ELMO1: variants seen among roughly 807,000 people sequenced by gnomAD.
ELMO1 encodes the protein engulfment and cell motility 1, also known as engulfment and cell motility protein 1.
A neutral mutation model predicts 98.9 loss-of-function variants in ELMO1; 26 were observed. The ratio of observed to expected loss-of-function variants is 0.26; its 90% CI spans 0.19 to 0.36. The LOEUF (loss-of-function observed/expected upper bound fraction) is 0.36. ELMO1 is among the 10% of genes least tolerant of loss of function. The probability of loss-of-function intolerance (pLI) is 1.00; values close to 1 mark genes in which losing one functional copy is unlikely to be tolerated. For synonymous variants in ELMO1, 346 were observed against 346.0 expected, an observed-to-expected ratio of 1.00 and a Z score of 0.00; for missense variants, 627 against 935.2, an observed-to-expected ratio of 0.67 and a Z score of 4.30.
At chr7:36,868,255 C>T (rs1416591447) in intron 20 of ELMO1, among the ~76,000 whole-genome samples, 17 of 152,022 alleles carry the variant, frequency 1.1e-4, no homozygotes, top group Admixed American at 7.9e-4. Flanking sequence ...CCACATTCCA[C>T]GGTGATGGTT....
intron 13 of ELMO1, among the ~76,000 whole-genome samples, chr7:37,156,683 C>T (rs543731382): frequency 6.6e-6 from 1 of 152,188 alleles, no homozygotes; most frequent in East Asian, 1.9e-4. Context: ...TAATAGCCTA[C>T]CAACCAAAAA....
At position 36,855,792 on chromosome 7, in the gene ELMO1, A is replaced by T. The variant is rs149292247; in HGVS notation, c.1984-41T>A. On this transcript the variant is annotated intron_variant, in intron 21 of 21. Coordinates refer to ENST00000310758, the MANE Select transcript of ELMO1 (RefSeq NM_014800.11). This position sits in a 1 kb window ranked among gnomAD's most constrained non-coding sequence, Gnocchi z 4.2. The stretch of plus-strand genomic sequence containing the variant: ...GCAACAGCGATCATTACTGGTGGCA[A>T]TTACAGAAGTATTAATAGTAAAAAT... The T allele has an allele frequency of 6.2e-7, 1 of 1,609,356 alleles. No homozygotes were observed. Among genetic ancestry groups the T allele is most frequent in the African/African-American group, 1.3e-5 (1 of 74,932 alleles).
chr7:37,328,893 C>T (rs1456717837), intron 2 of ELMO1, among the ~76,000 whole-genome samples: 3 of 152,194 alleles, frequency 2.0e-5, no homozygotes, highest in African/African-American at 7.2e-5. Flanking sequence ...ACTCTCTTTC[C>T]CAGTTTTCAA....
chr7:36,976,451 AATTATT>A (rs1562871783), intron 16 of ELMO1, among the ~76,000 whole-genome samples: 1 of 152,250 alleles, frequency 6.6e-6, no homozygotes, highest in Non-Finnish European at 1.5e-5. Context: ...TTAACAGCAT[AATTATT>A]ATTAGTATAA....
chr7:37,283,174 CCTGT>C (rs1359128049), intron 4 of ELMO1, among the ~76,000 whole-genome samples: 4 of 152,128 alleles, frequency 2.6e-5, no homozygotes, highest in African/African-American at 9.7e-5. Flanking sequence ...ACAGAAGGAG[CCTGT>C]CTGTCTCCTT....
At chr7:37,316,330 A>G (rs931858997) in intron 2 of ELMO1, among the ~76,000 whole-genome samples, 3 of 152,234 alleles carry the variant, frequency 2.0e-5, no homozygotes, top group African/African-American at 7.2e-5. Flanking sequence ...GGAGTAGTAC[A>G]TGAATCAGGC....
intron 16 of ELMO1, among the ~76,000 whole-genome samples, chr7:36,951,162 TC>T (rs1787933167): frequency 6.6e-6 from 1 of 152,166 alleles, no homozygotes; most frequent in Non-Finnish European, 1.5e-5. Context: ...GTCTCCCACT[TC>T]CATTCTTAAG....
At chr7:36,864,216 G>A (rs991828256) in intron 20 of ELMO1, among the ~76,000 whole-genome samples, 1 of 152,228 alleles carries the variant, frequency 6.6e-6, no homozygotes, top group Non-Finnish European at 1.5e-5. Flanking sequence ...AGTCACTTGA[G>A]ACCACAGTGT....
intron 13 of ELMO1, among the ~76,000 whole-genome samples, chr7:37,155,476 C>T (rs183175317): frequency 0.016 from 149 of 9,068 alleles, 1 homozygote; most frequent in African/African-American, 0.035. Context: ...GAGGAAGAAG[C>T]AAACGGAAAG....
chr7:37,172,802 T>C (rs994903355), intron 13 of ELMO1, among the ~76,000 whole-genome samples: 1 of 152,170 alleles, frequency 6.6e-6, no homozygotes, highest in Non-Finnish European at 1.5e-5. Context: ...AAAAAAAAAT[T>C]TGTTCCATGT....
chr7:36,985,971 C>T lies in ELMO1; in HGVS notation c.1437+27328G>A, dbSNP rs143779925. On this transcript the variant is annotated intron_variant, in intron 16 of 21. Transcript: ENST00000310758. ...CCCAACCACAAATACTGATTCTAAG[C>T]TGCTGCCACCACAAAGCGACTTAGA... The T allele has an allele frequency of 4.6e-3, 4,608 of 1,002,922 alleles. 12 individuals are homozygous for T. The highest frequency in any genetic ancestry group is 5.9e-3 in the Middle Eastern group (21 of 3,554). 62.1% of individuals were successfully genotyped at this position (1,002,922 alleles called of 1,614,324 possible). A position where few individuals can be genotyped will look rare whatever the true frequency, so the allele number is the denominator to read the frequency against.
chr7:37,192,209 A>T (rs1791626614), intron 13 of ELMO1, among the ~76,000 whole-genome samples: 1 of 151,956 alleles, frequency 6.6e-6, no homozygotes, highest in Admixed American at 6.6e-5. Flanking sequence ...AGTGGGCCAG[A>T]GCCAGGGCCA....
chr7:37,410,497 G>C (rs901678865), intron 1 of ELMO1, among the ~76,000 whole-genome samples: 1 of 152,166 alleles, frequency 6.6e-6, no homozygotes, highest in African/African-American at 2.4e-5. Flanking sequence ...CAGAGGGCCA[G>C]ATGCCTCAGT....
chr7:37,148,551 A>G (rs1788149348), intron 13 of ELMO1, among the ~76,000 whole-genome samples: 1 of 152,262 alleles, frequency 6.6e-6, no homozygotes, highest in Middle Eastern at 3.2e-3. Flanking sequence ...TGTTGATTCA[A>G]CAGTCAATAC....
At chr7:36,971,353 T>G (rs908757515) in intron 16 of ELMO1, among the ~76,000 whole-genome samples, 1 of 152,206 alleles carries the variant, frequency 6.6e-6, no homozygotes, top group African/African-American at 2.4e-5. Flanking sequence ...AGCCTCCCTT[T>G]GAAAGAGGTC....
intron 16 of ELMO1, among the ~76,000 whole-genome samples, chr7:36,955,427 G>T (rs956321584): frequency 6.6e-6 from 1 of 152,098 alleles, no homozygotes; most frequent in African/African-American, 2.4e-5. Flanking sequence ...CACTGAACAG[G>T]TGTAAAACCT....
intron 1 of ELMO1, among the ~76,000 whole-genome samples, chr7:37,364,218 T>G (rs1801808704): frequency 6.6e-6 from 1 of 152,180 alleles, no homozygotes; most frequent in African/African-American, 2.4e-5. Context: ...AACCAAAGAC[T>G]CTAAGCAGTT....
chr7:37,208,677 G>A lies in ELMO1; in HGVS notation c.1086+2709C>T, dbSNP rs757677699. Among the ~76,000 whole-genome samples the A allele has an allele frequency of 1.2e-4, 18 of 152,102 alleles. No individual in the cohort carries two copies. The South Asian group carries it at 1.2e-3, about 11-fold the overall frequency. On this transcript the variant is annotated intron_variant, in intron 13 of 21. Transcript: ENST00000310758. ...TCTCTAGGTGGTGCAATGACCATGC[G>A]GTTCTGTTTACTGAGGCCTGTCTAT...
chr7:37,122,495 T>C (rs1215098153), intron 14 of ELMO1, among the ~76,000 whole-genome samples: 1 of 152,098 alleles, frequency 6.6e-6, no homozygotes, highest in Non-Finnish European at 1.5e-5. Flanking sequence ...TCCTAGTCTC[T>C]GATAAAACAG....
Sources: allele counts gnomAD v4.1 joint callset (sites outside exome capture counted in the v4.1 genomes callset), GRCh38; gene constraint gnomAD v4.1.1; non-coding constraint Gnocchi (gnomAD v3.1); transcripts MANE v1.5; gene names NCBI Gene and HGNC (gene_info 2026-07-23, HGNC 2026-07-21).